Variants in ROBO1 observed in about 807,000 individuals in gnomAD.
ROBO1 encodes roundabout homolog 1.
A neutral mutation model predicts 195.9 loss-of-function variants in ROBO1; 149 were observed. The ratio of observed to expected loss-of-function variants is 0.76; its 90% CI spans 0.67 to 0.87. The LOEUF (loss-of-function observed/expected upper bound fraction) is 0.87, where lower values mean the gene tolerates loss of function less well. Ranked by LOEUF, ROBO1 falls within the 40% of genes least tolerant of loss-of-function variation. The probability of loss-of-function intolerance (pLI) is 0.00; values close to 1 mark genes in which losing one functional copy is unlikely to be tolerated. For missense variants in ROBO1, 1,933 were observed against 2,068.3 expected (o/e 0.93, Z 1.27); for synonymous variants, 816 against 733.2 (o/e 1.11, Z -1.82).
chr3:78,647,496 A>C, intron 20 of ROBO1, 133 bp downstream of exon 20: 1 of 852,060 alleles, frequency 1.2e-6, no homozygotes, highest in Non-Finnish European at 2.0e-6. Flanking sequence ...GGTGTGAGTA[A>C]ATCAAGTATT....
chr3:79,485,682 A>G (rs7429701), intron 2 of ROBO1, among the ~76,000 whole-genome samples: 33,310 of 152,050 alleles, frequency 0.22, 4,319 homozygotes, highest in African/African-American at 0.33. Context: ...TTGCAGATAC[A>G]GAAAGTAAGG....
intron 3 of ROBO1, among the ~76,000 whole-genome samples, chr3:78,999,028 C>T (rs551357377): frequency 4.6e-5 from 7 of 152,156 alleles, no homozygotes; most frequent in African/African-American, 1.7e-4. Flanking sequence ...TACCATCTCA[C>T]ACCACTCAGA....
At chr3:79,565,764 G>C (rs9882761) in intron 2 of ROBO1, among the ~76,000 whole-genome samples, 5 of 152,208 alleles carry the variant, frequency 3.3e-5, no homozygotes, top group Non-Finnish European at 5.9e-5. Context: ...GGATACTTTT[G>C]AATGTAAAGA....
intron 3 of ROBO1, among the ~76,000 whole-genome samples, chr3:79,053,199 T>A (rs1490066698): frequency 6.6e-6 from 1 of 151,918 alleles, no homozygotes; most frequent in African/African-American, 2.4e-5. Context: ...AGAGTTACCA[T>A]AATTTTCTGA....
chr3:78,600,307 C>T lies in ROBO1; in HGVS notation c.4747G>A (p.Asp1583Asn), dbSNP rs148657018. The change falls in exon 30 of 31, where the codon GAT (aspartate) becomes AAT (asparagine). Residue 1583 changes from aspartate (D) to asparagine (N), a missense_variant and splice_region_variant. Around this residue, in one of 3 missense-constraint regions of ROBO1, gnomAD observed 1,737 missense variants for 1,882.5 expected, o/e 0.92. Transcript: ENST00000464233. ...PPAKTHLIQE[D>N]ILPYCRPTFP... ...GTAGGTCTACAATAAGGTAGAATAT[C>T]CTCTGTGTAATGAAATATAATAAAT... 2.8e-5 allele frequency: 44 copies of T among 1,593,142 alleles called. No individual in the cohort carries two copies. The East Asian group carries it at 8.9e-4, about 32-fold the overall frequency.
At chr3:79,107,131 A>T (rs201841902) in intron 3 of ROBO1, among the ~76,000 whole-genome samples, 1,972 of 140,072 alleles carry the variant, frequency 0.014, 32 homozygotes, top group African/African-American at 0.041. Flanking sequence ...TCTCTCTCAC[A>T]CACACACACA....
At chr3:79,010,691 T>C (rs1180365239) in intron 3 of ROBO1, among the ~76,000 whole-genome samples, 1 of 152,122 alleles carries the variant, frequency 6.6e-6, no homozygotes, top group Non-Finnish European at 1.5e-5. Context: ...CAATGACCTA[T>C]GACAGGAGAA....
intron 2 of ROBO1, among the ~76,000 whole-genome samples, chr3:79,285,841 T>G (rs1183815711): frequency 1.3e-5 from 2 of 152,166 alleles, no homozygotes; most frequent in East Asian, 3.8e-4. Flanking sequence ...TTGTTATTCA[T>G]AATGGCTTAG....
intron 2 of ROBO1, among the ~76,000 whole-genome samples, chr3:79,295,742 A>G (rs1410770739): frequency 6.6e-6 from 1 of 152,196 alleles, no homozygotes; most frequent in Non-Finnish European, 1.5e-5. Flanking sequence ...AGTGTTACAT[A>G]GTTATTATTT....
intron 2 of ROBO1, among the ~76,000 whole-genome samples, chr3:79,517,866 G>A (rs1008124462): frequency 1.3e-5 from 2 of 152,142 alleles, no homozygotes; most frequent in African/African-American, 2.4e-5. Context: ...GATTAATGAG[G>A]GAACAATGAT....
chr3:79,505,277 G>GA (rs578184284), intron 2 of ROBO1, among the ~76,000 whole-genome samples: 6 of 147,664 alleles, frequency 4.1e-5, no homozygotes, highest in African/African-American at 9.9e-5. Context: ...TTCCAGCGAA[G>GA]AAAAAAAAAG....
At chr3:78,741,633 A>T (rs1218030620) in intron 5 of ROBO1, among the ~76,000 whole-genome samples, 1 of 152,152 alleles carries the variant, frequency 6.6e-6, no homozygotes, top group African/African-American at 2.4e-5. Context: ...TGAAATTTTT[A>T]AAAATCGCTC....
chr3:79,502,599 G>C (rs1305847704), intron 2 of ROBO1, among the ~76,000 whole-genome samples: 4 of 152,208 alleles, frequency 2.6e-5, no homozygotes, highest in Non-Finnish European at 5.9e-5. Flanking sequence ...AAGGGCTGAG[G>C]AGTGCAGGCG....
intron 4 of ROBO1, among the ~76,000 whole-genome samples, chr3:78,845,286 G>A (rs1183333517): frequency 6.6e-6 from 1 of 151,376 alleles, no homozygotes; most frequent in African/African-American, 2.4e-5. Context: ...GATTTAATAT[G>A]AAAAAAGTGT....
At position 78,717,285 on chromosome 3, in the gene ROBO1, G is replaced by A. The variant is rs1375295913; in HGVS notation, c.907C>T (p.Pro303Ser). The A allele has an allele frequency of 1.3e-6, 2 of 1,572,292 alleles. No individual in the cohort carries two copies. Among genetic ancestry groups the A allele is most frequent in the Admixed American group, 4.0e-5 (2 of 50,488 alleles). Residue 303 changes from proline (P) to serine (S), a missense_variant, in exon 7 of 31, where the codon CCC becomes TCC. Around this residue, in one of 3 missense-constraint regions of ROBO1, gnomAD observed 1,737 missense variants for 1,882.5 expected, o/e 0.92. Transcript: ENST00000464233. Reference sequence around the variant, plus strand: ...AACTCTGATGTGTACCTGGATTTGGGCAGCTCTCCATCATCTTTCCTCCAT... The same window carrying A: ...AACTCTGATGTGTACCTGGATTTGGACAGCTCTCCATCATCTTTCCTCCAT... Reference protein sequence around the residue: ...VRWRKDDGELPKSRYEIRDDH... With the variant: ...VRWRKDDGELSKSRYEIRDDH...
intron 2 of ROBO1, chr3:79,532,952 C>T (rs1229290658): frequency 3.8e-6 from 1 of 265,356 alleles, no homozygotes; most frequent in South Asian, 3.4e-5. Context: ...GTCAATTAGG[C>T]ATTATATGTA....
intron 2 of ROBO1, among the ~76,000 whole-genome samples, chr3:79,448,444 G>T (rs1003474622): frequency 4.0e-5 from 6 of 151,872 alleles, no homozygotes; most frequent in African/African-American, 1.2e-4. Context: ...CTTTGTAAGG[G>T]TCCTCCATAA....
Position 78,896,545 on chromosome 3 carries a change from ACCG to A in ROBO1, c.499+42053_499+42055del, listed in dbSNP as rs2037240184. Among the ~76,000 whole-genome samples the A allele has an allele frequency of 5.4e-5, 8 of 149,140 alleles. No homozygotes were observed. The South Asian group carries it at 1.7e-3, about 32-fold the overall frequency. Reference sequence around the variant, plus strand: ...CCCACAAAACATTGCTCCTAACTCCACCGACTATCCCCAAACCTATAAGAACTA... The same window carrying A: ...CCCACAAAACATTGCTCCTAACTCCAACTATCCCCAAACCTATAAGAACTA... On this transcript the variant is annotated intron_variant, in intron 4 of 30. Coordinates refer to ENST00000464233, the MANE Select transcript of ROBO1 (RefSeq NM_002941.4).
At chr3:79,162,964 C>G (rs2080999322) in intron 2 of ROBO1, among the ~76,000 whole-genome samples, 1 of 152,050 alleles carries the variant, frequency 6.6e-6, no homozygotes, top group Non-Finnish European at 1.5e-5. Context: ...ATTTTTGTCT[C>G]CATTATCTTG....
Sources: allele counts gnomAD v4.1 joint callset (sites outside exome capture counted in the v4.1 genomes callset), GRCh38; gene constraint gnomAD v4.1.1; regional missense constraint gnomAD v4.1.1; transcripts MANE v1.5; gene names NCBI Gene and HGNC (gene_info 2026-07-23, HGNC 2026-07-21).